TENM3: variants seen among roughly 807,000 people sequenced by gnomAD.
TENM3 encodes teneurin transmembrane protein 3, also known as teneurin-3.
Under a neutral mutation model 255.1 loss-of-function variants are expected in TENM3, and 63 were observed. That is an observed-to-expected ratio of 0.25 (90% CI 0.20 to 0.30). The LOEUF is 0.30. Ranked by LOEUF, TENM3 falls within the 10% of genes least tolerant of loss-of-function variation. TENM3 has a pLI of 1.00. For missense variants in TENM3, 2,929 were observed against 3,461.1 expected (o/e 0.85, Z 3.86); for synonymous variants, 1,306 against 1,322.3 (o/e 0.99, Z 0.27).
intron 3 of TENM3, among the ~76,000 whole-genome samples, chr4:182,439,627 CTG>C (rs1772310754): frequency 2.6e-5 from 4 of 152,150 alleles, no homozygotes; most frequent in Admixed American, 1.3e-4. Flanking sequence ...TGTAAACTAG[CTG>C]TCTCTATTTC....
chr4:181,553,691 T>C, the TENM3 span, among the ~76,000 whole-genome samples: 28 of 152,214 alleles, frequency 1.8e-4, no homozygotes, highest in East Asian at 5.5e-3. Context: ...TCTGCCCGCC[T>C]CGGCCTCCCA....
intron 3 of TENM3, among the ~76,000 whole-genome samples, chr4:182,598,759 T>C (rs1036134566): frequency 1.3e-5 from 2 of 152,160 alleles, no homozygotes; most frequent in African/African-American, 4.8e-5. Flanking sequence ...AGTGGGTGCA[T>C]TTCACTGAAT....
the TENM3 span, among the ~76,000 whole-genome samples, chr4:181,448,153 A>ATT: frequency 9.2e-6 from 1 of 108,730 alleles, no homozygotes; most frequent in African/African-American, 3.7e-5. Context: ...GAAATCCAGT[A>ATT]ATTTTTTTTT....
the TENM3 span, among the ~76,000 whole-genome samples, chr4:181,763,061 A>G: frequency 1.3e-5 from 2 of 152,200 alleles, no homozygotes; most frequent in Non-Finnish European, 2.9e-5. Flanking sequence ...CATCTTAGCA[A>G]GTGGATGATG....
At chr4:182,616,692 C>T (rs566049688) in intron 4 of TENM3, among the ~76,000 whole-genome samples, 2 of 151,788 alleles carry the variant, frequency 1.3e-5, no homozygotes, top group Non-Finnish European at 2.9e-5. Context: ...TCTTTCAGTT[C>T]AGGAATCTTA....
intron 1 of TENM3, among the ~76,000 whole-genome samples, chr4:182,307,093 C>T (rs1762179495): frequency 1.3e-5 from 2 of 152,100 alleles, no homozygotes; most frequent in African/African-American, 2.4e-5. Flanking sequence ...TGATATGATA[C>T]GTATTCACAA....
At chr4:181,650,683 A>G in the TENM3 span, among the ~76,000 whole-genome samples, 3 of 152,212 alleles carry the variant, frequency 2.0e-5, no homozygotes, top group Non-Finnish European at 4.4e-5. Context: ...CATTTCATAC[A>G]ATTAATTGAA....
chr4:182,431,552 G>A (rs1190080816), intron 3 of TENM3, among the ~76,000 whole-genome samples: 3 of 152,124 alleles, frequency 2.0e-5, no homozygotes, highest in African/African-American at 2.4e-5. Flanking sequence ...AGGAACAACA[G>A]AAGCATCAGG....
intron 13 of TENM3, among the ~76,000 whole-genome samples, chr4:182,718,514 G>C (rs1178707491): frequency 1.3e-5 from 2 of 152,190 alleles, no homozygotes; most frequent in African/African-American, 2.4e-5. Flanking sequence ...GGGCTTGGAT[G>C]CTGGGCAGGC....
At chr4:182,437,659 G>T (rs754088251) in intron 3 of TENM3, among the ~76,000 whole-genome samples, 4 of 152,068 alleles carry the variant, frequency 2.6e-5, no homozygotes, top group African/African-American at 7.2e-5. Context: ...TTAGCCAGAC[G>T]TGGTGGTAGG....
the TENM3 span, among the ~76,000 whole-genome samples, chr4:181,844,986 T>C: frequency 2.0e-5 from 3 of 152,230 alleles, no homozygotes; most frequent in African/African-American, 7.2e-5. Flanking sequence ...AATTTATTAG[T>C]GTTATTTAAG....
At chr4:181,863,554 T>C in the TENM3 span, among the ~76,000 whole-genome samples, 16 of 152,124 alleles carry the variant, frequency 1.1e-4, no homozygotes, top group Non-Finnish European at 1.9e-4. Context: ...TGAAAGAAAT[T>C]TGGGCTCTCT....
chr4:181,663,434 C>G, the TENM3 span, among the ~76,000 whole-genome samples: 5 of 152,268 alleles, frequency 3.3e-5, no homozygotes, highest in East Asian at 7.7e-4. Flanking sequence ...ATTCATCAAT[C>G]TTATAGCACA....
the TENM3 span, among the ~76,000 whole-genome samples, chr4:181,949,840 G>T: frequency 1.6e-4 from 25 of 152,130 alleles, no homozygotes; most frequent in Middle Eastern, 3.4e-3. Flanking sequence ...GTCTATGGTT[G>T]TGCCAAGTGA....
chr4:182,709,703 A>G (rs1758609091), intron 12 of TENM3, among the ~76,000 whole-genome samples: 1 of 152,084 alleles, frequency 6.6e-6, no homozygotes, highest in African/African-American at 2.4e-5. Context: ...TTTTTCTTCC[A>G]TACCAAAATA....
chr4:181,860,329 T>G, the TENM3 span, among the ~76,000 whole-genome samples: 2 of 152,226 alleles, frequency 1.3e-5, no homozygotes, highest in African/African-American at 2.4e-5. Context: ...CCCAGTTGGC[T>G]TCTCCAGAAG....
chr4:182,276,964 C>G (rs77356601), intron 1 of TENM3, among the ~76,000 whole-genome samples: 1 of 152,298 alleles, frequency 6.6e-6, no homozygotes, highest in African/African-American at 2.4e-5. Context: ...GTTAATTTTA[C>G]TTTCATTAAT....
In TENM3 at chr4:182,250,282, G is replaced by GACCTCATGATCCACCC. The variant is rs34048392; in HGVS notation, c.-76+6807_-76+6822dup. On this transcript the variant is annotated intron_variant, in intron 1 of 27. Coordinates refer to ENST00000511685, the MANE Select transcript of TENM3 (RefSeq NM_001080477.4). Reference sequence around the variant, plus strand: ...TTAGCCAGGATGGTCTCGATCTCCTGACCTCATGATCCACCCGCCTTAGCC... The same window carrying GACCTCATGATCCACCC: ...TTAGCCAGGATGGTCTCGATCTCCTGACCTCATGATCCACCCACCTCATGATCCACCCGCCTTAGCC... 4.2e-4 allele frequency among the ~76,000 whole-genome samples: 53 copies of GACCTCATGATCCACCC among 125,516 alleles called. 1 individual carries two copies. The highest frequency in any genetic ancestry group is 2.2e-3 in the African/African-American group (53 of 23,846). The allele number at this position is 125,516 out of a possible 152,430, so 82.3% of individuals were successfully genotyped here. A position where few individuals can be genotyped will look rare whatever the true frequency, so the allele number is the denominator to read the frequency against.
At chr4:182,101,425 C>T in the TENM3 span, among the ~76,000 whole-genome samples, 2 of 152,144 alleles carry the variant, frequency 1.3e-5, no homozygotes, top group Admixed American at 1.3e-4. Flanking sequence ...GAAACTCAAA[C>T]TCCAAGCCCT....
Sources: gnomAD v4.1 joint callset for allele counts (sites outside exome capture counted in the v4.1 genomes callset) on GRCh38, gnomAD v4.1.1 for gene constraint, MANE v1.5 for transcripts, NCBI Gene and HGNC (gene_info 2026-07-23, HGNC 2026-07-21) for gene names.